LYPD6B: variants seen among roughly 807,000 people sequenced by gnomAD.
LYPD6B encodes LY6/PLAUR domain containing 6B.
A neutral mutation model predicts 22.8 loss-of-function variants in LYPD6B; 17 were observed. The observed-to-expected ratio is 0.75, with a 90% CI of 0.51 to 1.12. LYPD6B has a LOEUF of 1.12. Ranked by LOEUF, LYPD6B falls within the 50% of genes most tolerant of loss-of-function variation. The pLI, the probability that LYPD6B is intolerant of heterozygous loss-of-function variation, is 0.00. For synonymous variants in LYPD6B, 106 were observed against 91.6 expected (o/e 1.16, Z -0.90); for missense variants, 221 against 258.3 (o/e 0.86, Z 0.99).
chr2:149,183,302 G>A (rs1691866488), intron 3 of LYPD6B, among the ~76,000 whole-genome samples: 1 of 152,030 alleles, frequency 6.6e-6, no homozygotes, highest in Non-Finnish European at 1.5e-5. Flanking sequence ...CCTAGTTTAG[G>A]GTGCGTAGAC....
chr2:149,139,545 G>C (rs1277089864), intron 2 of LYPD6B, among the ~76,000 whole-genome samples: 3 of 152,162 alleles, frequency 2.0e-5, no homozygotes, highest in African/African-American at 7.2e-5. Flanking sequence ...ACAGATGCTA[G>C]CAAGGCAAAT....
At chr2:149,192,775 A>G (rs1340459203) in intron 3 of LYPD6B, among the ~76,000 whole-genome samples, 1 of 152,180 alleles carries the variant, frequency 6.6e-6, no homozygotes, top group African/African-American at 2.4e-5. Flanking sequence ...ATAACTGCCC[A>G]CTGCCCAAAT....
chr2:149,043,397 G>A (rs1042201337), intron 1 of LYPD6B, among the ~76,000 whole-genome samples: 7 of 152,046 alleles, frequency 4.6e-5, no homozygotes, highest in South Asian at 2.1e-4. Context: ...ATTGATGAGA[G>A]GTTATGTTTG....
chr2:149,212,861 C>A, intron 5 of LYPD6B, 131 bp from the exon 6 acceptor site: 1 of 786,146 alleles, frequency 1.3e-6, no homozygotes, highest in Non-Finnish European at 1.9e-6. Flanking sequence ...TATGAAATGT[C>A]TTGCCTAAAA....
chr2:149,105,937 T>C (rs897497600), intron 1 of LYPD6B, among the ~76,000 whole-genome samples: 2 of 152,160 alleles, frequency 1.3e-5, no homozygotes, highest in Non-Finnish European at 2.9e-5. Context: ...TCATAGATAC[T>C]GTACTCTATC....
At chr2:149,131,594 A>G (rs1360325507) in intron 2 of LYPD6B, 3 of 152,278 alleles carry the variant, frequency 2.0e-5, no homozygotes, top group African/African-American at 7.2e-5. Flanking sequence ...CTCCTGCACA[A>G]TAATTTATTT....
intron 1 of LYPD6B, among the ~76,000 whole-genome samples, chr2:149,083,075 G>A (rs773752480): frequency 6.6e-6 from 1 of 152,190 alleles, no homozygotes; most frequent in Non-Finnish European, 1.5e-5. Flanking sequence ...AAAGTCTGGA[G>A]AGGCTGAATA....
At chr2:149,098,453 T>C (rs2105472803) in intron 1 of LYPD6B, among the ~76,000 whole-genome samples, 1 of 151,922 alleles carries the variant, frequency 6.6e-6, no homozygotes, top group South Asian at 2.1e-4. Context: ...GGTGAAACCC[T>C]GTCTCTACTA....
intron 3 of LYPD6B, among the ~76,000 whole-genome samples, chr2:149,163,433 A>G (rs1690212866): frequency 6.6e-6 from 1 of 152,192 alleles, no homozygotes; most frequent in African/African-American, 2.4e-5. Flanking sequence ...AAGGTATGAA[A>G]TCAACAAACA....
At chr2:149,213,684 G>T (rs940985955) in intron 6 of LYPD6B, among the ~76,000 whole-genome samples, 1 of 152,192 alleles carries the variant, frequency 6.6e-6, no homozygotes, top group Non-Finnish European at 1.5e-5. Context: ...TACAGAAAAT[G>T]ATTCTCATAT....
intron 1 of LYPD6B, among the ~76,000 whole-genome samples, chr2:149,100,467 A>G (rs1031947024): frequency 3.5e-5 from 5 of 142,810 alleles, no homozygotes; most frequent in Non-Finnish European, 7.5e-5. Flanking sequence ...AGAAGGGTCC[A>G]TTTGTCTCTG....
At chr2:149,211,435 C>T (rs1359743456) in intron 5 of LYPD6B, among the ~76,000 whole-genome samples, 2 of 152,118 alleles carry the variant, frequency 1.3e-5, no homozygotes, top group Non-Finnish European at 2.9e-5. Flanking sequence ...AAATTGTCCT[C>T]AGTTTACCAG....
chr2:149,106,508 T>C (rs949859906), intron 1 of LYPD6B, among the ~76,000 whole-genome samples: 2 of 152,182 alleles, frequency 1.3e-5, no homozygotes, highest in Non-Finnish European at 2.9e-5. Context: ...CTTTGGTAGA[T>C]TGTACCTTTT....
At chr2:149,105,816 A>T (rs1374082272) in intron 1 of LYPD6B, among the ~76,000 whole-genome samples, 2 of 152,100 alleles carry the variant, frequency 1.3e-5, no homozygotes, top group Admixed American at 1.3e-4. Flanking sequence ...CACTGGCTAG[A>T]TCCTCCTGTG....
chr2:149,143,198 C>A (rs1033726593), intron 2 of LYPD6B, among the ~76,000 whole-genome samples: 1 of 152,148 alleles, frequency 6.6e-6, no homozygotes, highest in African/African-American at 2.4e-5. Flanking sequence ...ATGCATAAAT[C>A]CATTTATTTC....
In LYPD6B at chr2:149,166,435, A is replaced by G. The variant is rs141519853; in HGVS notation, c.77+5600A>G. Reference sequence around the variant, plus strand: ...TCTCTGTGCCTCAGTTTTCTAATCTATAAATTAGGGACCCTTTCTGTTTGA... The same window carrying G: ...TCTCTGTGCCTCAGTTTTCTAATCTGTAAATTAGGGACCCTTTCTGTTTGA... On this transcript the variant is annotated intron_variant, in intron 3 of 6. Coordinates refer to ENST00000409642, the MANE Select transcript of LYPD6B (RefSeq NM_177964.5). Among the ~76,000 whole-genome samples the G allele has an allele frequency of 1.8e-4, 28 of 152,264 alleles. 1 individual carries two copies. The East Asian group carries it at 2.9e-3, about 16-fold the overall frequency.
intron 1 of LYPD6B, among the ~76,000 whole-genome samples, chr2:149,087,157 A>G (rs1366172278): frequency 6.6e-6 from 1 of 152,174 alleles, no homozygotes; most frequent in Admixed American, 6.5e-5. Flanking sequence ...TCAAATATTA[A>G]AAATCATGAA....
chr2:149,175,431 T>C (rs2105954271), intron 3 of LYPD6B, among the ~76,000 whole-genome samples: 1 of 152,238 alleles, frequency 6.6e-6, no homozygotes, highest in Admixed American at 6.5e-5. Context: ...TGGAAGTTGC[T>C]CTGGGTGAGT....
chr2:149,046,554 C>T (rs1163640459), intron 1 of LYPD6B, among the ~76,000 whole-genome samples: 1 of 151,824 alleles, frequency 6.6e-6, no homozygotes, highest in Non-Finnish European at 1.5e-5. Context: ...GCTCTGTCAC[C>T]CAGGCCAGAG....
Sources: gnomAD v4.1 joint callset for allele counts (sites outside exome capture counted in the v4.1 genomes callset) on GRCh38, gnomAD v4.1.1 for gene constraint, MANE v1.5 for transcripts, NCBI Gene and HGNC (gene_info 2026-07-23, HGNC 2026-07-21) for gene names.